The following TRAPPC9 variants were observed in gnomAD, a reference collection of about 807,000 sequenced individuals.
TRAPPC9 encodes IKK2 binding protein.
A neutral mutation model predicts 124.0 loss-of-function variants in TRAPPC9; 83 were observed. The ratio of observed to expected loss-of-function variants is 0.67; its 90% CI spans 0.56 to 0.80. The LOEUF is 0.80. TRAPPC9 is among the 30% of genes least tolerant of loss of function. The probability of loss-of-function intolerance (pLI) is 0.00; values close to 1 mark genes in which losing one functional copy is unlikely to be tolerated. For synonymous variants in TRAPPC9, 638 were observed against 617.5 expected (o/e 1.03, Z -0.49); for missense variants, 1,302 against 1,508.3 (o/e 0.86, Z 2.27).
chr8:140,031,824 C>A (rs1208154498), intron 17 of TRAPPC9, among the ~76,000 whole-genome samples: 7 of 152,176 alleles, frequency 4.6e-5, no homozygotes. Flanking sequence ...CAGCTTCCAG[C>A]CAAGAGGCCC....
At chr8:139,896,955 G>A (rs139306794) in intron 20 of TRAPPC9, among the ~76,000 whole-genome samples, 174 of 152,344 alleles carry the variant, frequency 1.1e-3, no homozygotes, top group African/African-American at 4.1e-3. Context: ...AGGAGACAGA[G>A]ATGAACACAC....
At chr8:140,430,077 G>A (rs570688678) in intron 4 of TRAPPC9, among the ~76,000 whole-genome samples, 16 of 150,944 alleles carry the variant, frequency 1.1e-4, no homozygotes, top group Non-Finnish European at 2.2e-4. Context: ...AACCCGGGAC[G>A]CAGAGGTTGC....
intron 9 of TRAPPC9, among the ~76,000 whole-genome samples, chr8:140,350,043 T>TG: frequency 6.6e-6 from 1 of 152,312 alleles, no homozygotes; most frequent in South Asian, 2.1e-4. Context: ...CTAACATAAC[T>TG]GGTTCCCTCT....
intron 21 of TRAPPC9, among the ~76,000 whole-genome samples, chr8:139,854,200 G>A (rs758272702): frequency 3.5e-4 from 53 of 152,256 alleles, no homozygotes; most frequent in Middle Eastern, 3.4e-3. Flanking sequence ...TCAGGAGGTC[G>A]AGTTCTTCCA....
At chr8:139,872,491 G>A (rs1829007442) in intron 21 of TRAPPC9, among the ~76,000 whole-genome samples, 1 of 133,254 alleles carries the variant, frequency 7.5e-6, no homozygotes, top group South Asian at 2.8e-4. Context: ...TGGGCTGGTG[G>A]ATGGGTTGAT....
intron 17 of TRAPPC9, among the ~76,000 whole-genome samples, chr8:140,046,431 AGCC>A: frequency 6.6e-6 from 1 of 152,236 alleles, no homozygotes. Context: ...GACTCCCCAC[AGCC>A]GCCGACTCCC....
chr8:139,958,703 G>C (rs921678405), intron 19 of TRAPPC9, among the ~76,000 whole-genome samples: 9 of 152,326 alleles, frequency 5.9e-5, no homozygotes, highest in Non-Finnish European at 1.3e-4. Context: ...TGGGATGGCG[G>C]AGGCACCACA....
intron 21 of TRAPPC9, among the ~76,000 whole-genome samples, chr8:139,882,914 C>A (rs1376286437): frequency 6.6e-6 from 1 of 152,158 alleles, no homozygotes; most frequent in Non-Finnish European, 1.5e-5. Flanking sequence ...GCCATGGAAC[C>A]AAACTACATT....
intron 8 of TRAPPC9, among the ~76,000 whole-genome samples, chr8:140,370,391 G>A (rs2068247466): frequency 6.6e-6 from 1 of 152,016 alleles, no homozygotes; most frequent in Non-Finnish European, 1.5e-5. Context: ...CGCCCACCCT[G>A]GTCTCCCAAA....
intron 21 of TRAPPC9, among the ~76,000 whole-genome samples, chr8:139,860,583 C>T (rs543501318): frequency 2.4e-4 from 37 of 152,144 alleles, no homozygotes; most frequent in African/African-American, 8.9e-4. Context: ...AGGCCTGGAG[C>T]TCAAGGCTGT....
At chr8:140,035,538 C>G (rs939377521) in intron 17 of TRAPPC9, among the ~76,000 whole-genome samples, 6 of 152,206 alleles carry the variant, frequency 3.9e-5, no homozygotes, top group Admixed American at 6.5e-5. Context: ...CGGCCCCTGC[C>G]AGACACAATG....
chr8:140,169,859 T>C (rs533204490), intron 17 of TRAPPC9, among the ~76,000 whole-genome samples: 1 of 152,172 alleles, frequency 6.6e-6, no homozygotes, highest in East Asian at 1.9e-4. Context: ...CACCTCAGCC[T>C]CCTGAATAGC....
At chr8:139,808,160 T>C (rs544993062) in intron 21 of TRAPPC9, among the ~76,000 whole-genome samples, 1 of 152,216 alleles carries the variant, frequency 6.6e-6, no homozygotes, top group East Asian at 1.9e-4. Context: ...ATTTACCCAT[T>C]TGAAGTATAC....
intron 19 of TRAPPC9, among the ~76,000 whole-genome samples, chr8:139,974,876 T>C (rs1011078376): frequency 6.6e-6 from 1 of 152,002 alleles, no homozygotes; most frequent in Non-Finnish European, 1.5e-5. Flanking sequence ...CTCTCCGCCT[T>C]GTTCCCCAGG....
intron 21 of TRAPPC9, among the ~76,000 whole-genome samples, chr8:139,803,953 A>G (rs1823746202): frequency 6.6e-6 from 1 of 152,022 alleles, no homozygotes; most frequent in South Asian, 2.1e-4. Flanking sequence ...ATGGTCCCCA[A>G]TCACCTTTCT....
chr8:140,222,450 G>C (rs143749618), intron 16 of TRAPPC9, among the ~76,000 whole-genome samples: 1 of 152,094 alleles, frequency 6.6e-6, no homozygotes, highest in African/African-American at 2.4e-5. Context: ...TTCGTGGTTC[G>C]CACCAACTCA....
At chr8:140,112,892 G>A (rs992496029) in intron 17 of TRAPPC9, among the ~76,000 whole-genome samples, 21 of 146,786 alleles carry the variant, frequency 1.4e-4, no homozygotes, top group South Asian at 1.1e-3. Flanking sequence ...CCAGTCTGAA[G>A]TGCAGTGGCG....
intron 17 of TRAPPC9, among the ~76,000 whole-genome samples, chr8:140,027,887 AT>A (rs955759820): frequency 1.3e-5 from 2 of 152,084 alleles, no homozygotes; most frequent in Non-Finnish European, 2.9e-5. Flanking sequence ...AGAACTCACT[AT>A]CATGAGAACA....
intron 5 of TRAPPC9, among the ~76,000 whole-genome samples, chr8:140,425,924 G>A (rs545154013): frequency 2.0e-5 from 3 of 152,258 alleles, no homozygotes; most frequent in African/African-American, 7.2e-5. Context: ...TAAAACCAAC[G>A]CCTGCAAACC....
Sources: gnomAD v4.1 joint callset for allele counts (sites outside exome capture counted in the v4.1 genomes callset) on GRCh38, gnomAD v4.1.1 for gene constraint, MANE v1.5 for transcripts, NCBI Gene and HGNC (gene_info 2026-07-23, HGNC 2026-07-21) for gene names.